Variants in ZFHX3 observed in about 807,000 individuals in gnomAD.
ZFHX3 encodes zinc finger homeobox protein 3.
ZFHX3 carries 42 observed loss-of-function variants against 279.1 expected under a neutral mutation model. That is an observed-to-expected ratio of 0.15 (90% CI 0.12 to 0.19). The LOEUF (loss-of-function observed/expected upper bound fraction) is 0.19, where lower values mean the gene tolerates loss of function less well. ZFHX3 is among the 10% of genes least tolerant of loss of function. ZFHX3 has a pLI of 1.00. For synonymous variants in ZFHX3, 2,293 were observed against 1,957.8 expected (o/e 1.17, Z -4.52); for missense variants, 4,981 against 4,754.0 (o/e 1.05, Z -1.40).
intron 1 of ZFHX3, among the ~76,000 whole-genome samples, chr16:72,961,993 C>A (rs1303696735): frequency 6.6e-6 from 1 of 152,190 alleles, no homozygotes; most frequent in Non-Finnish European, 1.5e-5. Context: ...GACTGCAGGG[C>A]GGCTCTTCTT....
intron 3 of ZFHX3, among the ~76,000 whole-genome samples, chr16:72,902,705 G>C (rs1381927693): frequency 6.6e-6 from 1 of 152,138 alleles, no homozygotes; most frequent in Non-Finnish European, 1.5e-5. Flanking sequence ...CCCTGGGGTA[G>C]AGGATCTCAA....
chr16:73,508,421 GA>G (rs947636094), intron 2 of ZFHX3, among the ~76,000 whole-genome samples: 9 of 152,170 alleles, frequency 5.9e-5, no homozygotes, highest in African/African-American at 2.2e-4. Flanking sequence ...GCATGTTCCA[GA>G]AAAAAGATCT....
intron 2 of ZFHX3, among the ~76,000 whole-genome samples, chr16:73,511,126 G>C (rs1258817899): frequency 1.3e-5 from 2 of 152,200 alleles, no homozygotes; most frequent in South Asian, 4.1e-4. Flanking sequence ...GCTGAGAACG[G>C]AAGTTAATGA....
chr16:73,645,651 G>A (rs910125901), intron 2 of ZFHX3, among the ~76,000 whole-genome samples: 6 of 152,114 alleles, frequency 3.9e-5, no homozygotes, highest in African/African-American at 7.2e-5. Context: ...ATAAAAATAC[G>A]TAGCATGGAT....
intron 3 of ZFHX3, among the ~76,000 whole-genome samples, chr16:73,452,717 G>A (rs1375296183): frequency 6.6e-6 from 1 of 152,174 alleles, no homozygotes; most frequent in Non-Finnish European, 1.5e-5. Flanking sequence ...TTACCTTAAG[G>A]GAGAAGCTTG....
At chr16:73,090,922 A>G (rs1966069763) in intron 8 of ZFHX3, among the ~76,000 whole-genome samples, 1 of 148,728 alleles carries the variant, frequency 6.7e-6, no homozygotes, top group Non-Finnish European at 1.5e-5. Flanking sequence ...AAAAAAAAAA[A>G]AAAAAAAGGC....
chr16:72,910,570 T>C lies in ZFHX3; in HGVS notation c.3217-20608A>G, dbSNP rs568628057. On this transcript the variant is annotated intron_variant, in intron 3 of 9. Coordinates refer to ENST00000268489, the MANE Select transcript of ZFHX3 (RefSeq NM_006885.4). ...AGCTCAAATGATTCTCATAAGCACC[T>C]TGAGACATTAGGCAGTGGATGGCAG... Among the ~76,000 whole-genome samples, 18 of 152,298 alleles carry C rather than the reference T, an allele frequency of 1.2e-4. No individual in the cohort carries two copies. The South Asian group carries it at 3.5e-3, about 30-fold the overall frequency.
intron 3 of ZFHX3, among the ~76,000 whole-genome samples, chr16:73,422,407 A>G (rs1208133588): frequency 6.6e-6 from 1 of 152,136 alleles, no homozygotes; most frequent in African/African-American, 2.4e-5. Flanking sequence ...AGTAATACCA[A>G]TTCCCTGAAG....
At chr16:72,895,731 G>A (rs576800487) in intron 3 of ZFHX3, among the ~76,000 whole-genome samples, 7 of 152,338 alleles carry the variant, frequency 4.6e-5, no homozygotes, top group Non-Finnish European at 5.9e-5. Context: ...GGCTGAGGCA[G>A]GAGGATCACT....
chr16:73,227,843 T>C (rs2012648444), intron 5 of ZFHX3, among the ~76,000 whole-genome samples: 1 of 95,518 alleles, frequency 1.0e-5, no homozygotes. Context: ...AGCAAGATTC[T>C]GTCTCAAAAA....
In ZFHX3 at chr16:73,622,891, C is replaced by T. The variant is rs80021129; in HGVS notation, c.-1547+57289G>A. 3.7e-3 allele frequency among the ~76,000 whole-genome samples: 563 copies of T among 152,326 alleles called. 3 individuals are homozygous for T. Among genetic ancestry groups the T allele is most frequent in the African/African-American group, 0.013 (525 of 41,580 alleles). On this transcript the variant is annotated intron_variant, in intron 2 of 17. Coordinates refer to the ZFHX3 transcript ENST00000641206. ...CCTGTCTTGTCTTGTCGCTACCTAG[C>T]AGACATATTTCACACCTAAGAATAA... is the stretch of plus-strand genomic sequence containing the variant.
intron 4 of ZFHX3, among the ~76,000 whole-genome samples, chr16:72,872,364 GCTTT>G (rs1308133347): frequency 1.3e-5 from 2 of 152,002 alleles, no homozygotes; most frequent in Non-Finnish European, 2.9e-5. Context: ...CCTCTTTAAG[GCTTT>G]CTTTTTACTC....
chr16:73,098,979 A>C (rs1966199559), intron 7 of ZFHX3: 1 of 152,210 alleles, frequency 6.6e-6, no homozygotes, highest in Non-Finnish European at 1.5e-5. Flanking sequence ...GATGAGTGAA[A>C]TTCCCTTTCA....
chr16:73,582,144 A>C (rs1174869215), intron 2 of ZFHX3, among the ~76,000 whole-genome samples: 1 of 151,924 alleles, frequency 6.6e-6, no homozygotes, highest in South Asian at 2.1e-4. Context: ...TCTGGAATAC[A>C]AAAAGTAAAT....
chr16:73,145,900 T>G (rs1371013929), intron 5 of ZFHX3, among the ~76,000 whole-genome samples: 1 of 152,240 alleles, frequency 6.6e-6, no homozygotes, highest in Non-Finnish European at 1.5e-5. Flanking sequence ...CAATGTGTTC[T>G]GGAAGAGATT....
chr16:73,019,349 T>C (rs1964216707), intron 1 of ZFHX3, among the ~76,000 whole-genome samples: 2 of 151,054 alleles, frequency 1.3e-5, no homozygotes, highest in Non-Finnish European at 3.0e-5. Flanking sequence ...TGTGCGTGTG[T>C]GTGTGTGTGT....
At chr16:73,881,449 ACACACTCTCTCT>A (rs769715398) in intron 1 of ZFHX3, among the ~76,000 whole-genome samples, 1 of 106,464 alleles carries the variant, frequency 9.4e-6, no homozygotes, top group African/African-American at 3.9e-5. Context: ...ACACACACAC[ACACACTCTCTCT>A]CTCTCTCTCT....
intron 4 of ZFHX3, among the ~76,000 whole-genome samples, chr16:72,871,761 A>G (rs62053164): frequency 0.97 from 147,548 of 151,828 alleles, 72,085 homozygotes; most frequent in Middle Eastern, 1. Context: ...ACAGGTGTGA[A>G]CCACCAAGCC....
chr16:73,257,991 G>A (rs1023414767), intron 4 of ZFHX3, among the ~76,000 whole-genome samples: 2 of 152,176 alleles, frequency 1.3e-5, no homozygotes, highest in Non-Finnish European at 2.9e-5. Flanking sequence ...CTGGCCTCCA[G>A]ATGCCAGTAG....
Sources: allele counts gnomAD v4.1 joint callset (sites outside exome capture counted in the v4.1 genomes callset), GRCh38; gene constraint gnomAD v4.1.1; transcripts MANE v1.5; gene names NCBI Gene and HGNC (gene_info 2026-07-23, HGNC 2026-07-21).